Variants in GABRB1 observed in about 807,000 individuals in gnomAD.
GABRB1 encodes gamma-aminobutyric acid type A receptor subunit beta1, also known as gamma-aminobutyric acid receptor subunit beta-1.
GABRB1 carries 17 observed loss-of-function variants against 51.6 expected under a neutral mutation model. The observed-to-expected ratio is 0.33, with a 90% CI of 0.23 to 0.49. The LOEUF is 0.49. Ranked by LOEUF, GABRB1 falls within the 20% of genes least tolerant of loss-of-function variation. The probability of loss-of-function intolerance (pLI) is 0.99; values close to 1 mark genes in which losing one functional copy is unlikely to be tolerated. For synonymous variants in GABRB1, 247 were observed against 218.9 expected (o/e 1.13, Z -1.14); for missense variants, 410 against 600.6 (o/e 0.68, Z 3.32).
chr4:47,047,059 G>A (rs192102335), intron 3 of GABRB1, among the ~76,000 whole-genome samples: 40 of 152,164 alleles, frequency 2.6e-4, no homozygotes, highest in Admixed American at 6.5e-4. Flanking sequence ...TAACACCTGG[G>A]TGATGAAAAT....
chr4:47,000,784 T>C (rs1018026891), intron 1 of GABRB1, among the ~76,000 whole-genome samples: 1 of 152,200 alleles, frequency 6.6e-6, no homozygotes, highest in African/African-American at 2.4e-5. Context: ...ACTTTTTATA[T>C]GCCGGCTGGT....
At chr4:47,106,863 CT>C (rs1226250342) in intron 3 of GABRB1, among the ~76,000 whole-genome samples, 1 of 152,074 alleles carries the variant, frequency 6.6e-6, no homozygotes, top group Admixed American at 6.6e-5. Context: ...ATCACTTTAT[CT>C]GTGTGATTCT....
At chr4:47,006,674 A>G (rs1288197192) in intron 1 of GABRB1, among the ~76,000 whole-genome samples, 2 of 152,236 alleles carry the variant, frequency 1.3e-5, no homozygotes, top group African/African-American at 4.8e-5. Flanking sequence ...TGTTATTTTC[A>G]ACATATTTGG....
chr4:47,147,513 G>A (rs963825513), intron 3 of GABRB1, among the ~76,000 whole-genome samples: 4 of 152,112 alleles, frequency 2.6e-5, no homozygotes, highest in African/African-American at 9.7e-5. Flanking sequence ...GATGTAGCAA[G>A]AGAATTACGC....
intron 4 of GABRB1, among the ~76,000 whole-genome samples, chr4:47,265,676 A>C (rs1560305333): frequency 6.6e-6 from 1 of 152,058 alleles, no homozygotes. Flanking sequence ...ATTAATTTGC[A>C]TTTCTCTGAG....
intron 4 of GABRB1, among the ~76,000 whole-genome samples, chr4:47,297,372 A>G (rs1410258342): frequency 1.9e-5 from 2 of 102,950 alleles, no homozygotes; most frequent in African/African-American, 7.6e-5. Context: ...CAAGACTAAT[A>G]AAGAAGAAAA....
intron 3 of GABRB1, among the ~76,000 whole-genome samples, chr4:47,054,974 C>T (rs1726525306): frequency 6.6e-6 from 1 of 152,170 alleles, no homozygotes; most frequent in Non-Finnish European, 1.5e-5. Context: ...TTTAAAACTC[C>T]TAACCACAAT....
intron 4 of GABRB1, among the ~76,000 whole-genome samples, chr4:47,241,248 T>A (rs1721507766): frequency 6.6e-6 from 1 of 151,346 alleles, no homozygotes; most frequent in Non-Finnish European, 1.5e-5. Flanking sequence ...ATTTTCTTTT[T>A]TTTCCGAAAG....
At chr4:47,029,136 A>T (rs1353385766), upstream of GABRB1, among the ~76,000 whole-genome samples, 7 of 151,864 alleles carry the variant, frequency 4.6e-5, no homozygotes, top group Admixed American at 4.6e-4. Flanking sequence ...ACTACTAAAA[A>T]CAACACTGCC....
intron 4 of GABRB1, among the ~76,000 whole-genome samples, chr4:47,222,414 G>A (rs1470129676): frequency 2.6e-5 from 4 of 152,028 alleles, no homozygotes; most frequent in Non-Finnish European, 4.4e-5. Context: ...TACTGACTTT[G>A]GCCATGTGAC....
chr4:47,326,100 G>T (rs1725252457), intron 5 of GABRB1, among the ~76,000 whole-genome samples: 1 of 152,128 alleles, frequency 6.6e-6, no homozygotes, highest in Non-Finnish European at 1.5e-5. Context: ...ATCCTGCTCT[G>T]TCCTGACTGG....
intron 3 of GABRB1, among the ~76,000 whole-genome samples, chr4:47,119,490 A>T (rs1046177176): frequency 1.5e-4 from 23 of 149,504 alleles, no homozygotes; most frequent in African/African-American, 5.7e-4. Flanking sequence ...TCAGATTGAC[A>T]AAACATTTTC....
intron 8 of GABRB1, among the ~76,000 whole-genome samples, chr4:47,423,250 T>C (rs569344769): frequency 6.6e-6 from 1 of 152,292 alleles, no homozygotes; most frequent in East Asian, 1.9e-4. Context: ...AATAAAAATC[T>C]ATATGTTCAG....
chr4:47,323,469 G>C (rs4694844), intron 5 of GABRB1, among the ~76,000 whole-genome samples: 150,265 of 152,338 alleles, frequency 0.99, 74,120 homozygotes, highest in East Asian at 1. Flanking sequence ...GATTATTCAT[G>C]TATTTTTTTA....
intron 4 of GABRB1, among the ~76,000 whole-genome samples, chr4:47,234,478 A>C (rs1721251927): frequency 6.9e-6 from 1 of 144,648 alleles, no homozygotes. Flanking sequence ...CAAGAGCAAA[A>C]CTCCGTCTCA....
chr4:47,270,710 G>A lies in GABRB1; in HGVS notation c.462-49417G>A, dbSNP rs779301859. Reference sequence around the variant, plus strand: ...CAACAGTGGGAGCTTGGAACATTCGGTACTCTTGTCTTCAAAAATAACCTT... The same window carrying A: ...CAACAGTGGGAGCTTGGAACATTCGATACTCTTGTCTTCAAAAATAACCTT... On this transcript the variant is annotated intron_variant, in intron 4 of 8. Coordinates refer to ENST00000295454, the MANE Select transcript of GABRB1 (RefSeq NM_000812.4). 7.3e-4 allele frequency among the ~76,000 whole-genome samples: 111 copies of A among 152,258 alleles called. 1 individual carries two copies. The highest frequency in any genetic ancestry group is 3.4e-3 in the Middle Eastern group (1 of 294).
At position 47,388,549 on chromosome 4, in the gene GABRB1, A is replaced by T. The variant is rs371016630; in HGVS notation, c.545-14769A>T. Among the ~76,000 whole-genome samples, 6 of 152,318 alleles carry T rather than the reference A, an allele frequency of 3.9e-5. No homozygotes were observed. In the East Asian group the frequency reaches 5.8e-4, roughly 15 times the overall value. ...GGATTCTATGATCGCAAATCTGGGG[A>T]TACGTCCAAATCTGCTGCTGCTTAA... On this transcript the variant is annotated intron_variant, in intron 5 of 8. Coordinates refer to ENST00000295454, the MANE Select transcript of GABRB1 (RefSeq NM_000812.4).
At chr4:47,273,621 T>C (rs1274135585) in intron 4 of GABRB1, among the ~76,000 whole-genome samples, 1 of 152,110 alleles carries the variant, frequency 6.6e-6, no homozygotes, top group Non-Finnish European at 1.5e-5. Flanking sequence ...GGTCATGGGC[T>C]GTACTAGGCT....
chr4:47,324,010 T>C (rs1355154009), intron 5 of GABRB1, among the ~76,000 whole-genome samples: 2 of 152,122 alleles, frequency 1.3e-5, no homozygotes, highest in Non-Finnish European at 2.9e-5. Context: ...ACAAGCATCA[T>C]GGATGTGGAA....
Sources: allele counts gnomAD v4.1 joint callset (sites outside exome capture counted in the v4.1 genomes callset), GRCh38; gene constraint gnomAD v4.1.1; transcripts MANE v1.5; gene names NCBI Gene and HGNC (gene_info 2026-07-23, HGNC 2026-07-21).